Variants in LIN9 observed in about 807,000 individuals in gnomAD.
LIN9 encodes lin-9 DREAM MuvB core complex component.
LIN9 carries 18 observed loss-of-function variants against 78.0 expected under a neutral mutation model. The ratio of observed to expected loss-of-function variants is 0.23; its 90% CI spans 0.16 to 0.34. The LOEUF (loss-of-function observed/expected upper bound fraction) is 0.34. Among genes scored for constraint, LIN9 ranks in the 10% least tolerant of loss-of-function variants. The probability of loss-of-function intolerance (pLI) is 1.00; values close to 1 mark genes in which losing one functional copy is unlikely to be tolerated. For missense variants in LIN9, 451 were observed against 644.1 expected (o/e 0.70, Z 3.25); for synonymous variants, 192 against 215.2 (o/e 0.89, Z 0.94).
At chr1:226,276,681 T>G (rs1660683559) in intron 7 of LIN9, among the ~76,000 whole-genome samples, 1 of 152,158 alleles carries the variant, frequency 6.6e-6, no homozygotes, top group Non-Finnish European at 1.5e-5. Flanking sequence ...ACTCCAACCA[T>G]TTTTCAATGG....
intron 1 of LIN9, among the ~76,000 whole-genome samples, chr1:226,307,583 C>T (rs1662992194): frequency 6.6e-6 from 1 of 152,144 alleles, no homozygotes; most frequent in South Asian, 2.1e-4. Flanking sequence ...TTGCAATGAG[C>T]CGAGATAGTA....
At chr1:226,306,252 G>C (rs1481742357) in intron 1 of LIN9, among the ~76,000 whole-genome samples, 1 of 151,998 alleles carries the variant, frequency 6.6e-6, no homozygotes, top group Non-Finnish European at 1.5e-5. Context: ...TTGAACCCGG[G>C]AGGCGGAGGC....
At chr1:226,299,785 T>C (rs1274165234) in intron 2 of LIN9, among the ~76,000 whole-genome samples, 1 of 152,074 alleles carries the variant, frequency 6.6e-6, no homozygotes, top group African/African-American at 2.4e-5. Flanking sequence ...TTAAAGAAAC[T>C]ATGTTAAAAA....
At chr1:226,308,359 A>ACTG (rs1663055446) in intron 1 of LIN9, among the ~76,000 whole-genome samples, 3 of 236 alleles carry the variant, frequency 0.013, no homozygotes, top group African/African-American at 0.06. Flanking sequence ...CAGGCAGGGT[A>ACTG]CACGTACGCT....
chr1:226,286,708 A>G (rs1661397180), intron 5 of LIN9, among the ~76,000 whole-genome samples: 3 of 152,220 alleles, frequency 2.0e-5, no homozygotes, highest in Admixed American at 6.5e-5. Flanking sequence ...TTATACAGGT[A>G]TATCCTTTGG....
chr1:226,290,409 C>T (rs1417377883), intron 4 of LIN9, among the ~76,000 whole-genome samples: 3 of 150,258 alleles, frequency 2.0e-5, no homozygotes, highest in East Asian at 2.0e-4. Context: ...GGCACGATCT[C>T]GGCTCACTGC....
At chr1:226,250,956 G>A (rs748535440) in intron 10 of LIN9, 37 bp from the exon 11 acceptor site, 2 of 1,031,188 alleles carry the variant, frequency 1.9e-6, no homozygotes, top group East Asian at 2.4e-5. Flanking sequence ...AATAAACAGA[G>A]GCATTTAGGT....
At chr1:226,284,937 T>C (rs551309915) in intron 6 of LIN9, among the ~76,000 whole-genome samples, 149 of 152,318 alleles carry the variant, frequency 9.8e-4, no homozygotes, top group South Asian at 4.3e-3. Context: ...GTTTCACCAA[T>C]TGATTTTTAA....
chr1:226,250,323 AT>A (rs955443922), intron 11 of LIN9, among the ~76,000 whole-genome samples: 2 of 152,162 alleles, frequency 1.3e-5, no homozygotes, highest in African/African-American at 2.4e-5. Flanking sequence ...ATTCTGAAAC[AT>A]TTTTTATAAC....
At chr1:226,269,879 G>A (rs1660156334) in intron 7 of LIN9, among the ~76,000 whole-genome samples, 1 of 152,140 alleles carries the variant, frequency 6.6e-6, no homozygotes. Context: ...TCCCGATCAA[G>A]ATGTTTGAGC....
At chr1:226,309,361 C>T (rs1168499983), upstream of LIN9, 3 of 989,562 alleles carry the variant, frequency 3.0e-6, no homozygotes, top group Non-Finnish European at 3.6e-6. Flanking sequence ...CCGCCGCCGC[C>T]TCCGGCCGAG....
chr1:226,238,437 C>G (rs993450640), intron 12 of LIN9, among the ~76,000 whole-genome samples: 1 of 152,034 alleles, frequency 6.6e-6, no homozygotes, highest in African/African-American at 2.4e-5. Context: ...TTGAGACCAG[C>G]CTGAGCAACA....
At chr1:226,273,256 A>ATTTTTTTTTTTTTTT in intron 7 of LIN9, among the ~76,000 whole-genome samples, 1 of 87,270 alleles carries the variant, frequency 1.1e-5, no homozygotes, top group Non-Finnish European at 2.2e-5. Context: ...TAATTAGGTA[A>ATTTTTTTTTTTTTTT]TTTTTTTTTT....
At chr1:226,237,632 C>CAAA (rs1167453006) in intron 12 of LIN9, among the ~76,000 whole-genome samples, 7 of 57,400 alleles carry the variant, frequency 1.2e-4, no homozygotes, top group East Asian at 5.4e-4. Context: ...AACTCTGTCT[C>CAAA]AAAAAAAAAA....
In LIN9 at chr1:226,231,219, C is replaced by G. The variant is rs1054453235; in HGVS notation, c.*1282G>C. 6.6e-6 allele frequency: 1 copy of G among 152,446 alleles called. No homozygotes were observed. Among genetic ancestry groups the G allele is most frequent in the Admixed American group, 6.6e-5 (1 of 15,262 alleles). 9.4% of individuals were successfully genotyped at this position (152,446 alleles called of 1,614,324 possible). ...TTAAGAATAGAAGATTTATGCATTTCTTAATTAACATAACAGTTTAGCTAA... is the reference window on the plus strand; with the variant it reads ...TTAAGAATAGAAGATTTATGCATTTGTTAATTAACATAACAGTTTAGCTAA... On this transcript the variant is annotated 3_prime_UTR_variant, in exon 15 of 15. Transcript: ENST00000681046.
At chr1:226,277,216 G>GAA (rs71168975) in intron 7 of LIN9, among the ~76,000 whole-genome samples, 14 of 91,488 alleles carry the variant, frequency 1.5e-4, no homozygotes, top group East Asian at 3.5e-4. Context: ...GTCTCAAAAA[G>GAA]AAAAAAAAAA....
At chr1:226,297,216 GT>G (rs1576356181) in intron 3 of LIN9, among the ~76,000 whole-genome samples, 1 of 152,278 alleles carries the variant, frequency 6.6e-6, no homozygotes, top group African/African-American at 2.4e-5. Context: ...CTCCAGGACT[GT>G]TTCATGACAG....
Position 226,250,058 on chromosome 1 carries a change from T to C in LIN9, c.1119+781A>G, listed in dbSNP as rs1658731901. Among the ~76,000 whole-genome samples the C allele has an allele frequency of 3.3e-5, 5 of 151,654 alleles. No individual in the cohort carries two copies. The South Asian group carries it at 1.0e-3, about 32-fold the overall frequency. ...GGTGGTGTGCGCCTGTAATCCTAGCTACTTGAGAGGCTGAGGCAGGCGAAT... is the reference window on the plus strand; with the variant it reads ...GGTGGTGTGCGCCTGTAATCCTAGCCACTTGAGAGGCTGAGGCAGGCGAAT... On this transcript the variant is annotated intron_variant, in intron 11 of 14. Coordinates refer to ENST00000681046, the MANE Select transcript of LIN9 (RefSeq NM_001366245.2).
chr1:226,234,392 T>C (rs1258934250), intron 12 of LIN9, among the ~76,000 whole-genome samples: 1 of 152,240 alleles, frequency 6.6e-6, no homozygotes, highest in Admixed American at 6.5e-5. Context: ...AATGAACTAG[T>C]ATCAGTATGA....
Sources: gnomAD v4.1 joint callset for allele counts (sites outside exome capture counted in the v4.1 genomes callset) on GRCh38, gnomAD v4.1.1 for gene constraint, MANE v1.5 for transcripts, NCBI Gene and HGNC (gene_info 2026-07-23, HGNC 2026-07-21) for gene names.